MTHFD2L: variants seen among roughly 807,000 people sequenced by gnomAD.
MTHFD2L encodes the protein methylenetetrahydrofolate dehydrogenase (NADP+ dependent) 2 like, also known as bifunctional methylenetetrahydrofolate dehydrogenase/cyclohydrolase 2, mitochondrial.
In MTHFD2L, 29 loss-of-function variants were observed where a neutral mutation model predicts 34.9. That is an observed-to-expected ratio of 0.83 (90% confidence interval 0.62 to 1.13). The LOEUF (loss-of-function observed/expected upper bound fraction) is 1.13, where lower values mean the gene tolerates loss of function less well. Ranked by LOEUF, MTHFD2L falls within the 50% of genes most tolerant of loss-of-function variation. The pLI, the probability that MTHFD2L is intolerant of heterozygous loss-of-function variation, is 0.00. For synonymous variants in MTHFD2L, 167 were observed against 155.7 expected, an observed-to-expected ratio of 1.07 and a Z score of -0.54; for missense variants, 481 against 446.5, an observed-to-expected ratio of 1.08 and a Z score of -0.70.
At chr4:74,247,978 G>C (rs1742732524) in intron 6 of MTHFD2L, among the ~76,000 whole-genome samples, 2 of 152,106 alleles carry the variant, frequency 1.3e-5, no homozygotes, top group South Asian at 4.1e-4. Flanking sequence ...TTGGTGTCAG[G>C]ATGATGCTGG....
At chr4:74,164,913 T>A in intron 1 of MTHFD2L, 1 of 947,664 alleles carries the variant, frequency 1.1e-6, no homozygotes, top group Non-Finnish European at 1.3e-6. Flanking sequence ...TTCTTGCCTT[T>A]AGGGGAAGGT....
chr4:74,121,755 T>C (rs1721775216), upstream of MTHFD2L, among the ~76,000 whole-genome samples: 1 of 148,990 alleles, frequency 6.7e-6, no homozygotes, highest in Non-Finnish European at 1.5e-5. Context: ...AATGTAATAA[T>C]AATAGAAATA....
chr4:74,143,664 A>G (rs1042971188), intron 1 of MTHFD2L, among the ~76,000 whole-genome samples: 5 of 152,218 alleles, frequency 3.3e-5, no homozygotes, highest in Admixed American at 6.5e-5. Context: ...AAATCATTTA[A>G]AAGTTATCAT....
chr4:74,271,275 G>T (rs1366279040), intron 6 of MTHFD2L, among the ~76,000 whole-genome samples: 1 of 152,132 alleles, frequency 6.6e-6, no homozygotes, highest in Non-Finnish European at 1.5e-5. Context: ...TATTACCTAG[G>T]TTTTCTTCTA....
At chr4:74,236,209 T>A (rs1481588531) in intron 6 of MTHFD2L, among the ~76,000 whole-genome samples, 1 of 152,198 alleles carries the variant, frequency 6.6e-6, no homozygotes, top group Non-Finnish European at 1.5e-5. Flanking sequence ...GCCTATTATA[T>A]CTTCACAGCA....
intron 6 of MTHFD2L, among the ~76,000 whole-genome samples, chr4:74,278,500 A>C (rs1416449540): frequency 1.3e-5 from 2 of 152,112 alleles, no homozygotes; most frequent in African/African-American, 2.4e-5. Context: ...CTTTAAAAAA[A>C]ATTTTTCCTG....
intron 1 of MTHFD2L, among the ~76,000 whole-genome samples, chr4:74,173,535 A>G (rs2109953815): frequency 6.6e-6 from 1 of 152,320 alleles, no homozygotes; most frequent in African/African-American, 2.4e-5. Context: ...GCCATGGAAT[A>G]ACATTTTTCT....
chr4:74,244,024 G>A lies in MTHFD2L; in HGVS notation c.805+18630G>A, dbSNP rs79595091. On this transcript the variant is annotated intron_variant, in intron 6 of 7. Coordinates refer to ENST00000325278, the MANE Select transcript of MTHFD2L (RefSeq NM_001144978.3). ...TGTTATGTGATTATTACATGTTTAAGGTTGGGCCTGTGGGAGAAAATGCCA... is the reference window on the plus strand; with the variant it reads ...TGTTATGTGATTATTACATGTTTAAAGTTGGGCCTGTGGGAGAAAATGCCA... Among the ~76,000 whole-genome samples the A allele has an allele frequency of 6.9e-3, 1,050 of 152,294 alleles. 6 individuals carry two copies. Among genetic ancestry groups the A allele is most frequent in the Non-Finnish European group, 0.01 (696 of 68,028 alleles).
At chr4:74,147,193 C>T (rs1388631519) in intron 1 of MTHFD2L, among the ~76,000 whole-genome samples, 1 of 152,034 alleles carries the variant, frequency 6.6e-6, no homozygotes, top group African/African-American at 2.4e-5. Context: ...GATATATTTG[C>T]TTGGAAGTTC....
intron 6 of MTHFD2L, among the ~76,000 whole-genome samples, chr4:74,229,236 A>C (rs1739648936): frequency 6.6e-6 from 1 of 152,238 alleles, no homozygotes; most frequent in Non-Finnish European, 1.5e-5. Context: ...GTAGGCATTT[A>C]TAAATTATAG....
At chr4:74,236,797 A>G (rs1023919796) in intron 6 of MTHFD2L, among the ~76,000 whole-genome samples, 2 of 152,184 alleles carry the variant, frequency 1.3e-5, no homozygotes, top group East Asian at 1.9e-4. Context: ...GAATATTATC[A>G]CTCACTTCAT....
intron 1 of MTHFD2L, among the ~76,000 whole-genome samples, chr4:74,135,737 C>A (rs934313406): frequency 9.9e-5 from 15 of 151,624 alleles, no homozygotes; most frequent in African/African-American, 3.6e-4. Context: ...CACCAGTGAA[C>A]ACAGATGTAA....
chr4:74,233,891 T>C (rs1170670575), intron 6 of MTHFD2L, among the ~76,000 whole-genome samples: 1 of 151,984 alleles, frequency 6.6e-6, no homozygotes, highest in African/African-American at 2.4e-5. Flanking sequence ...TAGTACATGG[T>C]TAGCTGAGGT....
At chr4:74,143,716 T>G (rs1359969686) in intron 1 of MTHFD2L, among the ~76,000 whole-genome samples, 1 of 151,972 alleles carries the variant, frequency 6.6e-6, no homozygotes, top group Non-Finnish European at 1.5e-5. Flanking sequence ...AGAAATTTTT[T>G]GGGTTGTGGA....
At chr4:74,269,644 A>C (rs993975994) in intron 6 of MTHFD2L, among the ~76,000 whole-genome samples, 2 of 152,104 alleles carry the variant, frequency 1.3e-5, no homozygotes, top group African/African-American at 4.8e-5. Context: ...CTGCTGATGG[A>C]CCAGCATAAC....
intron 6 of MTHFD2L, among the ~76,000 whole-genome samples, chr4:74,250,952 A>G (rs184935718): frequency 6.6e-6 from 1 of 152,272 alleles, no homozygotes; most frequent in African/African-American, 2.4e-5. Context: ...CCTCTCCCTT[A>G]TGTTATTCCC....
chr4:74,175,435 T>C, intron 3 of MTHFD2L, 32 bp downstream of exon 3: 1 of 1,578,904 alleles, frequency 6.3e-7, no homozygotes, highest in Non-Finnish European at 8.6e-7. Flanking sequence ...TATCTGATTT[T>C]GTTAAAAGTG....
At chr4:74,115,996 A>T (rs1004025789) in intron 2 of MTHFD2L, among the ~76,000 whole-genome samples, 3 of 152,184 alleles carry the variant, frequency 2.0e-5, no homozygotes, top group Non-Finnish European at 4.4e-5. Context: ...TGTATTGTTG[A>T]GTATATTCCT....
rs1224055645 is a variant in MTHFD2L at position 74,261,017 on chromosome 4, A to AATAT, written c.806-20396_806-20393dup. On this transcript the variant is annotated intron_variant, in intron 6 of 7. Transcript: ENST00000325278. ...TATCAACTGAAAATAAATAGAAAAA[A>AATAT]ATATATATATATATACTCTGTTGTA... is the stretch of plus-strand genomic sequence containing the variant. Among the ~76,000 whole-genome samples, 12 of 140,078 alleles carry AATAT rather than the reference A, an allele frequency of 8.6e-5. No homozygotes were observed. In the East Asian group the frequency reaches 2.3e-3, roughly 26 times the overall value. The allele number at this position is 140,078 out of a possible 152,430, so 91.9% of individuals were successfully genotyped here.
Sources: gnomAD v4.1 joint callset for allele counts (sites outside exome capture counted in the v4.1 genomes callset) on GRCh38, gnomAD v4.1.1 for gene constraint, MANE v1.5 for transcripts, NCBI Gene and HGNC (gene_info 2026-07-23, HGNC 2026-07-21) for gene names.